DHRSX: variants seen among roughly 807,000 people sequenced by gnomAD.
The protein encoded by DHRSX is polyprenol dehydrogenase.
In DHRSX, 31 loss-of-function variants were observed where a neutral mutation model predicts 34.0. That is an observed-to-expected ratio of 0.91 (90% CI 0.69 to 1.23). DHRSX has a LOEUF of 1.23. Ranked by LOEUF, DHRSX falls within the 50% of genes most tolerant of loss-of-function variation. The pLI is 0.00. For synonymous variants in DHRSX, 201 were observed against 183.8 expected (o/e 1.09, Z -0.76); for missense variants, 414 against 428.1 (o/e 0.97, Z 0.29).
chrX:2,480,120 G>A (rs1198371809), intron 1 of DHRSX, among the ~76,000 whole-genome samples: 1 of 151,924 alleles, frequency 6.6e-6, no homozygotes, highest in African/African-American at 2.4e-5. Flanking sequence ...CAACCCATGT[G>A]TCAATCAACA....
intron 1 of DHRSX, among the ~76,000 whole-genome samples, chrX:2,448,596 T>C (rs1457170036): frequency 6.6e-6 from 1 of 152,078 alleles, no homozygotes; most frequent in African/African-American, 2.4e-5. Context: ...ATTATTAATA[T>C]GTTAATTGAC....
intron 3 of DHRSX, among the ~76,000 whole-genome samples, chrX:2,329,070 A>G (rs2042425355): frequency 6.6e-6 from 1 of 152,188 alleles, no homozygotes; most frequent in Non-Finnish European, 1.5e-5. Context: ...TTATTCGGTG[A>G]AGAAATAAAA....
chrX:2,266,882 A>C lies in DHRSX; in HGVS notation c.454T>G (p.Tyr152Asp). The change falls in exon 5 of 7, where the codon TAC (tyrosine) becomes GAC (aspartate). Residue 152 changes from tyrosine (Y) to aspartate (D), a missense_variant. Tyr to Asp is a radical substitution (Grantham distance 160, BLOSUM62 -3). Transcript: ENST00000334651. ...TTGGTCAGCAGGAAGTGCCCTAGGT[A>C]GTTCAGGCCGAAATGTTCTTCGAAT... Reference protein sequence around the residue: ...DGFEEHFGLNYLGHFLLTNLL... With the variant: ...DGFEEHFGLNDLGHFLLTNLL... 1 of 1,613,984 alleles carries C rather than the reference A, an allele frequency of 6.2e-7. No individual in the cohort carries two copies. The highest frequency in any genetic ancestry group is 1.1e-5 in the South Asian group (1 of 91,074).
chrX:2,498,972 A>C (rs2124145112), intron 1 of DHRSX, among the ~76,000 whole-genome samples: 1 of 152,316 alleles, frequency 6.6e-6, no homozygotes, highest in African/African-American at 2.4e-5. Context: ...GGGTTTAAAA[A>C]AAAATACTGA....
chrX:2,495,648 C>CCCTCCTT (rs764923016), intron 1 of DHRSX, among the ~76,000 whole-genome samples: 9 of 151,976 alleles, frequency 5.9e-5, no homozygotes, highest in East Asian at 3.9e-4. Flanking sequence ...GCAGTGAGTA[C>CCCTCCTT]CCTCCTTCCT....
At chrX:2,225,327 C>T (rs866620686) in intron 6 of DHRSX, among the ~76,000 whole-genome samples, 18 of 151,208 alleles carry the variant, frequency 1.2e-4, no homozygotes, top group Non-Finnish European at 8.8e-5. Flanking sequence ...TACACATGCA[C>T]GCACCCTCAT....
At chrX:2,484,022 A>C (rs2044817926) in intron 1 of DHRSX, among the ~76,000 whole-genome samples, 1 of 152,126 alleles carries the variant, frequency 6.6e-6, no homozygotes, top group African/African-American at 2.4e-5. Flanking sequence ...GTCGCCCAGG[A>C]TGGAGCGCAG....
At chrX:2,299,814 C>T (rs1220763987) in intron 3 of DHRSX, among the ~76,000 whole-genome samples, 1 of 151,558 alleles carries the variant, frequency 6.6e-6, no homozygotes, top group African/African-American at 2.4e-5. Flanking sequence ...GAGATCACAC[C>T]ACTGCACTCC....
intron 3 of DHRSX, among the ~76,000 whole-genome samples, chrX:2,382,549 TCATCAC>T (rs2043215284): frequency 2.9e-5 from 3 of 103,748 alleles, no homozygotes; most frequent in Non-Finnish European, 6.4e-5. Flanking sequence ...ACCATCATCA[TCATCAC>T]CATCACCATC....
chrX:2,488,883 C>A, intron 1 of DHRSX: 2 of 1,611,100 alleles, frequency 1.2e-6, no homozygotes, highest in Non-Finnish European at 1.7e-6. Context: ...ACGCGCGTGG[C>A]CGTCACGCAC....
rs146206754 is a variant in DHRSX at position 2,489,090 on chromosome X, T to C, written c.109+11727A>G. The C allele has an allele frequency of 1.5e-5, 25 of 1,613,878 alleles. 1 individual carries two copies. The highest frequency in any genetic ancestry group is 1.3e-4 in the East Asian group (6 of 44,882). ...AAGATCTCGGCCAGCATGTTGTTGATGACGCTGGCGGGCGGCGGCGTGGAT... is the reference window on the plus strand; with the variant it reads ...AAGATCTCGGCCAGCATGTTGTTGACGACGCTGGCGGGCGGCGGCGTGGAT... On this transcript the variant is annotated intron_variant, in intron 1 of 6. Coordinates refer to ENST00000334651, the MANE Select transcript of DHRSX (RefSeq NM_145177.3).
At chrX:2,387,003 G>A (rs975740564) in intron 3 of DHRSX, among the ~76,000 whole-genome samples, 3 of 149,238 alleles carry the variant, frequency 2.0e-5, no homozygotes, top group Admixed American at 6.7e-5. Flanking sequence ...GTCATCATTT[G>A]CTTTTTTATT....
chrX:2,230,725 C>A lies in DHRSX; in HGVS notation c.805-9496G>T, dbSNP rs181323252. ...AATTCCACTCCAGACTGTGACAGGG[C>A]AATCCTGCCTGAGTGTCCAGCCTGC... On this transcript the variant is annotated intron_variant, in intron 6 of 6. Transcript: ENST00000334651. Among the ~76,000 whole-genome samples the A allele has an allele frequency of 7.2e-5, 11 of 152,304 alleles. No individual in the cohort carries two copies. In the East Asian group the frequency reaches 1.9e-3, roughly 27 times the overall value.
intron 1 of DHRSX, among the ~76,000 whole-genome samples, chrX:2,447,580 C>T (rs938673944): frequency 2.6e-5 from 4 of 151,978 alleles, no homozygotes; most frequent in African/African-American, 9.7e-5. Context: ...GATACCTGCA[C>T]CCCCTGTGCA....
At chrX:2,426,980 T>C (rs1367760707) in intron 1 of DHRSX, among the ~76,000 whole-genome samples, 1 of 152,244 alleles carries the variant, frequency 6.6e-6, no homozygotes, top group Non-Finnish European at 1.5e-5. Context: ...AAACATGTTG[T>C]CTGCCTCAAG....
intron 5 of DHRSX, among the ~76,000 whole-genome samples, chrX:2,244,313 C>T (rs2016228300): frequency 6.6e-6 from 1 of 151,998 alleles, no homozygotes; most frequent in African/African-American, 2.4e-5. Context: ...CTCTCTCTCT[C>T]TCTCTGGTAA....
At chrX:2,383,721 G>A (rs984456356) in intron 3 of DHRSX, among the ~76,000 whole-genome samples, 7 of 152,226 alleles carry the variant, frequency 4.6e-5, no homozygotes, top group African/African-American at 1.7e-4. Flanking sequence ...ACGATACAAT[G>A]TGTGAGGTTG....
At chrX:2,284,427 AATGAATGG>A (rs1383766900) in intron 4 of DHRSX, among the ~76,000 whole-genome samples, 1 of 151,042 alleles carries the variant, frequency 6.6e-6, no homozygotes, top group Non-Finnish European at 1.5e-5. Flanking sequence ...TGAATGAATG[AATGAATGG>A]GTGAATGAAG....
intron 3 of DHRSX, among the ~76,000 whole-genome samples, chrX:2,312,807 T>C (rs1359550821): frequency 6.6e-6 from 1 of 152,056 alleles, no homozygotes; most frequent in East Asian, 1.9e-4. Context: ...TGAACTCTGA[T>C]CCCTGTTCCT....
Sources: allele counts gnomAD v4.1 joint callset (sites outside exome capture counted in the v4.1 genomes callset), GRCh38; gene constraint gnomAD v4.1.1; transcripts MANE v1.5; gene names NCBI Gene and HGNC (gene_info 2026-07-23, HGNC 2026-07-21).